Variants in MACROD2 observed in about 807,000 individuals in gnomAD.
The protein encoded by MACROD2 is ADP-ribose glycohydrolase MACROD2.
Under a neutral mutation model 70.4 loss-of-function variants are expected in MACROD2, and 36 were observed. The ratio of observed to expected loss-of-function variants is 0.51; its 90% CI spans 0.39 to 0.68. The LOEUF (loss-of-function observed/expected upper bound fraction) is 0.68. Ranked by LOEUF, MACROD2 falls within the 30% of genes least tolerant of loss-of-function variation. The probability of loss-of-function intolerance (pLI) is 0.00; values close to 1 mark genes in which losing one functional copy is unlikely to be tolerated. For synonymous variants in MACROD2, 172 were observed against 178.8 expected (o/e 0.96, Z 0.30); for missense variants, 496 against 538.4 (o/e 0.92, Z 0.78).
intron 9 of MACROD2, among the ~76,000 whole-genome samples, chr20:15,872,312 C>T (rs2064597584): frequency 6.6e-6 from 1 of 152,144 alleles, no homozygotes; most frequent in African/African-American, 2.4e-5. Context: ...TTTCTTTCCT[C>T]TTGCTATGTC....
At chr20:15,526,516 A>G (rs182492683) in intron 8 of MACROD2, among the ~76,000 whole-genome samples, 2 of 152,284 alleles carry the variant, frequency 1.3e-5, no homozygotes, top group East Asian at 3.9e-4. Context: ...GAGAGAGAAA[A>G]AGGAGACTGA....
chr20:15,085,743 T>A (rs1264317495), intron 5 of MACROD2, among the ~76,000 whole-genome samples: 1 of 152,038 alleles, frequency 6.6e-6, no homozygotes, highest in Non-Finnish European at 1.5e-5. Flanking sequence ...CTTTTCAATA[T>A]ATTAGAATAT....
At chr20:15,608,200 A>G (rs78006232) in intron 8 of MACROD2, among the ~76,000 whole-genome samples, 1,993 of 152,316 alleles carry the variant, frequency 0.013, 50 homozygotes, top group African/African-American at 0.045. Context: ...AACGTCCTGT[A>G]TCTTCTCCCT....
chr20:14,850,579 C>T (rs1341898806), intron 5 of MACROD2: 1 of 152,178 alleles, frequency 6.6e-6, no homozygotes, highest in African/African-American at 2.4e-5. Context: ...TTAGTCCTCT[C>T]CCTAATGAAA....
intron 9 of MACROD2, 23 bp from the exon 10 acceptor site, chr20:15,885,741 T>G (rs1601058348): frequency 6.8e-7 from 1 of 1,469,558 alleles, no homozygotes; most frequent in African/African-American, 1.5e-5. Flanking sequence ...AGTATTTCTT[T>G]ATGTTTTCCT....
At chr20:15,384,877 C>T (rs2045692124) in intron 6 of MACROD2, among the ~76,000 whole-genome samples, 1 of 152,132 alleles carries the variant, frequency 6.6e-6, no homozygotes, top group Admixed American at 6.5e-5. Context: ...AAAACTTTGC[C>T]TGTATACACT....
At chr20:14,514,557 C>T (rs1333711035) in intron 4 of MACROD2, among the ~76,000 whole-genome samples, 2 of 152,068 alleles carry the variant, frequency 1.3e-5, no homozygotes, top group Non-Finnish European at 2.9e-5. Flanking sequence ...TGCATGGGCA[C>T]AAAATAAACC....
chr20:15,341,546 C>A (rs2078110246), intron 6 of MACROD2, among the ~76,000 whole-genome samples: 1 of 152,122 alleles, frequency 6.6e-6, no homozygotes, highest in South Asian at 2.1e-4. Flanking sequence ...AAGCACATTT[C>A]TGATTCAAAT....
At chr20:14,354,095 T>C (rs144303720) in intron 3 of MACROD2, among the ~76,000 whole-genome samples, 161 of 152,344 alleles carry the variant, frequency 1.1e-3, no homozygotes, top group African/African-American at 3.4e-3. Context: ...ATCAACACTT[T>C]GTTGTTGTAT....
rs1191106622 is a variant in MACROD2, at chr20:14,841,269, C to A, written c.418+156310C>A. Among the ~76,000 whole-genome samples, 3 of 152,070 alleles carry A rather than the reference C, an allele frequency of 2.0e-5. No individual in the cohort carries two copies. In the East Asian group the frequency reaches 5.8e-4, roughly 29 times the overall value. ...TAAATAGGCATTCCTCTGAGAGTTT[C>A]TCTGACAATCAAATCAGAGGTTTTG... On this transcript the variant is annotated intron_variant, in intron 5 of 17. Transcript: ENST00000684519.
At chr20:15,597,036 A>G (rs146833776) in intron 8 of MACROD2, among the ~76,000 whole-genome samples, 146 of 152,332 alleles carry the variant, frequency 9.6e-4, no homozygotes, top group African/African-American at 2.9e-3. Context: ...TAAAGAACTC[A>G]AACCCCTTCC....
chr20:15,893,780 G>A (rs1054441341), intron 10 of MACROD2: 1 of 456,614 alleles, frequency 2.2e-6, no homozygotes, highest in African/African-American at 2.0e-5. Flanking sequence ...AATGAAGAGT[G>A]TAATAATACT....
chr20:15,589,371 TAAA>T (rs940071610), intron 8 of MACROD2, among the ~76,000 whole-genome samples: 4 of 152,196 alleles, frequency 2.6e-5, no homozygotes, highest in African/African-American at 9.7e-5. Flanking sequence ...TTGTTAATAA[TAAA>T]AACTTTTTAG....
At position 15,643,011 on chromosome 20, in the gene MACROD2, AC is replaced by A. The variant is rs1460083837; in HGVS notation, c.645+143165del. On this transcript the variant is annotated intron_variant, in intron 8 of 17. Transcript: ENST00000684519. ...GAACATCTTGTTGGAATATTTATCC[AC>A]TTTGCTTTAGCTGGAAAACAAGTTT... is the stretch of plus-strand genomic sequence containing the variant. Among the ~76,000 whole-genome samples the A allele has an allele frequency of 4.6e-5, 7 of 152,314 alleles. No homozygotes were observed. The East Asian group carries it at 7.7e-4, about 17-fold the overall frequency.
At chr20:15,383,575 G>A (rs185111324) in intron 6 of MACROD2, among the ~76,000 whole-genome samples, 1 of 152,262 alleles carries the variant, frequency 6.6e-6, no homozygotes, top group East Asian at 1.9e-4. Context: ...TAGTGGATGA[G>A]GCTGACTATA....
chr20:15,861,222 T>A (rs1185828768), intron 8 of MACROD2, among the ~76,000 whole-genome samples: 1 of 152,302 alleles, frequency 6.6e-6, no homozygotes, highest in East Asian at 1.9e-4. Flanking sequence ...TATCAGAGAG[T>A]ATGTATCCTT....
intron 8 of MACROD2, among the ~76,000 whole-genome samples, chr20:15,648,287 A>T (rs1277559324): frequency 6.6e-6 from 1 of 152,220 alleles, no homozygotes; most frequent in African/African-American, 2.4e-5. Flanking sequence ...TTTAAGAAGC[A>T]TCATCTCACT....
At chr20:14,350,063 T>G (rs2083108094) in intron 3 of MACROD2, among the ~76,000 whole-genome samples, 2 of 152,094 alleles carry the variant, frequency 1.3e-5, no homozygotes. Context: ...TATTCTTTTT[T>G]ATTTTGTTTG....
chr20:15,759,256 G>A (rs1410919239), intron 8 of MACROD2, among the ~76,000 whole-genome samples: 1 of 151,452 alleles, frequency 6.6e-6, no homozygotes, highest in East Asian at 1.9e-4. Context: ...CATAAGGAGC[G>A]TTTTCACTAA....
Sources: allele counts gnomAD v4.1 joint callset (sites outside exome capture counted in the v4.1 genomes callset), GRCh38; gene constraint gnomAD v4.1.1; transcripts MANE v1.5; gene names NCBI Gene and HGNC (gene_info 2026-07-23, HGNC 2026-07-21).